The following EPHA1 variants were observed in gnomAD, a reference collection of about 807,000 sequenced individuals.
EPHA1 encodes EPH receptor A1.
EPHA1 carries 92 observed loss-of-function variants against 110.1 expected under a neutral mutation model. That is an observed-to-expected ratio of 0.84 (90% CI 0.71 to 0.99). The LOEUF (loss-of-function observed/expected upper bound fraction) is 0.99, where lower values mean the gene tolerates loss of function less well. EPHA1 is among the 50% of genes least tolerant of loss of function. EPHA1 has a pLI of 0.00. For synonymous variants in EPHA1, 500 were observed against 516.1 expected (o/e 0.97, Z 0.42); for missense variants, 1,204 against 1,285.4 (o/e 0.94, Z 0.97).
In EPHA1 at chr7:143,393,379, A is replaced by G. The variant is rs1805143151; in HGVS notation, c.2696+292T>C. On this transcript the variant is annotated intron_variant, in intron 16 of 17. Transcript: ENST00000275815. The surrounding 1 kb of genome is among the most constrained non-coding windows in gnomAD (Gnocchi z 5.6). ...GTACAACACAGTGGGATTGGCAAGGATGGCTCCGGGAGTGTCTTAGGTGAG... is the reference window on the plus strand; with the variant it reads ...GTACAACACAGTGGGATTGGCAAGGGTGGCTCCGGGAGTGTCTTAGGTGAG... Among the ~76,000 whole-genome samples the G allele has an allele frequency of 6.6e-6, 1 of 152,152 alleles. No individual in the cohort carries two copies. The highest frequency in any genetic ancestry group is 1.5e-5 in the Non-Finnish European group (1 of 68,028).
Position 143,398,798 on chromosome 7 carries a change from C to T in EPHA1, c.1139G>A (p.Gly380Glu), listed in dbSNP as rs773238741. Reference sequence around the variant, plus strand: ...CACCCCACAGGGCTGGCAGGGCCCCCCGTCCTGTGCTGTGCCCTGACACTG... The same window carrying T: ...CACCCCACAGGGCTGGCAGGGCCCCTCGTCCTGTGCTGTGCCCTGACACTG... Reference protein sequence around the residue: ...CSQCQGTAQDGGPCQPCGVGV... With the variant: ...CSQCQGTAQDEGPCQPCGVGV... Residue 380 changes from glycine to glutamate, a missense_variant, in exon 6 of 18, where the codon GGG becomes GAG. By Grantham distance (98) the Gly-to-Glu change is moderately conservative. Coordinates refer to ENST00000275815, the MANE Select transcript of EPHA1 (RefSeq NM_005232.5). 1.2e-5 allele frequency: 20 copies of T among 1,613,496 alleles called. No individual in the cohort carries two copies. The Admixed American group carries it at 3.2e-4, about 26-fold the overall frequency.
intron 2 of EPHA1, among the ~76,000 whole-genome samples, chr7:143,406,607 GT>G (rs1347729458): frequency 6.6e-6 from 1 of 152,252 alleles, no homozygotes; most frequent in Non-Finnish European, 1.5e-5. Context: ...ACTTGTGATT[GT>G]TGTCTAGAGG....
At chr7:143,392,187 CTGCT>C (rs1805106483) in intron 16 of EPHA1, among the ~76,000 whole-genome samples, 2 of 152,232 alleles carry the variant, frequency 1.3e-5, no homozygotes, top group Non-Finnish European at 2.9e-5. Flanking sequence ...TCCATAGTGG[CTGCT>C]TGAGTTCCGG....
At chr7:143,404,652 C>T (rs1457417916) in intron 2 of EPHA1, among the ~76,000 whole-genome samples, 3 of 151,636 alleles carry the variant, frequency 2.0e-5, no homozygotes, top group East Asian at 1.9e-4. Context: ...TGTGTAGGCT[C>T]GTTTTTGGAC....
At chr7:143,399,140 T>C in intron 5 of EPHA1, 118 bp downstream of exon 5, 1 of 1,392,660 alleles carries the variant, frequency 7.2e-7, no homozygotes. Context: ...TAAAAGTGCC[T>C]GACACCCTGG....
rs980770791 is a variant in EPHA1, at chr7:143,391,616, T to C, written c.2852+4A>G. On this transcript the variant is annotated splice_donor_region_variant and intron_variant, in intron 17 of 17. Transcript: ENST00000275815. ...CCCCTGCCCAGACAGCTCCAGCTCC[T>C]TACTCAGCGGTCAGCTCCAGCACAC... is the stretch of plus-strand genomic sequence containing the variant. The C allele has an allele frequency of 1.2e-6, 2 of 1,614,034 alleles. No individual in the cohort carries two copies. The highest frequency in any genetic ancestry group is 2.7e-5 in the African/African-American group (2 of 74,928).
intron 9 of EPHA1, 64 bp downstream of exon 9, chr7:143,397,497 T>C: frequency 1.3e-6 from 2 of 1,583,782 alleles, no homozygotes. Context: ...GGAGGGTCGT[T>C]GGGGCTGCAG....
chr7:143,393,698 AGG>A lies in EPHA1; in HGVS notation c.2667_2668del (p.Leu890AlafsTer7), dbSNP rs754822485. The stretch of plus-strand genomic sequence containing the variant: ...GGGGTCAAAGTTGGCAATGGTCCGC[AGG>A]GAGTGGGGGTTGGCAAGCAGTTGCT... On this transcript the variant is annotated frameshift_variant, in exon 16 of 18. Transcript: ENST00000275815. LOFTEE classifies it high-confidence loss of function. This position sits in a 1 kb window ranked among gnomAD's most constrained non-coding sequence, Gnocchi z 5.6. 9 of 1,613,662 alleles carry A rather than the reference AGG, an allele frequency of 5.6e-6. No homozygotes were observed. In the African/African-American group the frequency reaches 1.2e-4, roughly 22 times the overall value.
At position 143,391,279 on chromosome 7, in the gene EPHA1, C is replaced by G. The variant is rs1382191976; in HGVS notation, c.*178G>C. 9 of 710,002 alleles carry G rather than the reference C, an allele frequency of 1.3e-5. No homozygotes were observed. The highest frequency in any genetic ancestry group is 2.1e-5 in the Non-Finnish European group (9 of 429,024). 44.0% of individuals were successfully genotyped at this position (710,002 alleles called of 1,614,324 possible). On this transcript the variant is annotated 3_prime_UTR_variant, in exon 18 of 18. Transcript: ENST00000275815. ...TCCTTTTACTTCTACCCCCACCTCC[C>G]TTTTAAAACAAAGAGGTTTTCTGGG...
Position 143,391,212 on chromosome 7 carries a change from T to G in EPHA1, c.*245A>C. On this transcript the variant is annotated 3_prime_UTR_variant, in exon 18 of 18. Coordinates refer to ENST00000275815, the MANE Select transcript of EPHA1 (RefSeq NM_005232.5). ...ATTTACAAAAATATATATATGTGTA[T>G]GTATGTATATATATTAACCCCTCAG... 1.9e-6 allele frequency: 1 copy of G among 540,262 alleles called. No homozygotes were observed. The highest frequency in any genetic ancestry group is 3.3e-6 in the Non-Finnish European group (1 of 301,714). The allele number at this position is 540,262 out of a possible 1,614,324, so 33.5% of individuals were successfully genotyped here. A position where few individuals can be genotyped will look rare whatever the true frequency, so the allele number is the denominator to read the frequency against.
rs1004478873 is a variant in EPHA1, at chr7:143,407,574, G to A, written c.150+37C>T. On this transcript the variant is annotated intron_variant, in intron 2 of 17. Transcript: ENST00000275815. ...CCACCCCATTTCCCACTGGCCTTCA[G>A]GAGTTTTCCAAGATCCTTCCCTCTT... 5 of 1,605,988 alleles carry A rather than the reference G, an allele frequency of 3.1e-6. No homozygotes were observed. The African/African-American group carries it at 6.7e-5, about 22-fold the overall frequency.
rs189096667 is a variant in EPHA1, at chr7:143,396,956, C to T, written c.1771+348G>A. On this transcript the variant is annotated intron_variant, in intron 10 of 17. Coordinates refer to ENST00000275815, the MANE Select transcript of EPHA1 (RefSeq NM_005232.5). ...CAAGAAGCTCATAAGCCTCGGAGGA[C>T]GTCAATCCTCCTCCCGCCTGGCCTC... is the stretch of plus-strand genomic sequence containing the variant. Among the ~76,000 whole-genome samples the T allele has an allele frequency of 5.0e-3, 766 of 152,260 alleles. 7 individuals carry two copies. Among genetic ancestry groups the T allele is most frequent in the African/African-American group, 0.018 (734 of 41,558 alleles).
At chr7:143,407,469 T>C (rs889799660) in intron 2 of EPHA1, 142 bp downstream of exon 2, 1 of 695,394 alleles carries the variant, frequency 1.4e-6, no homozygotes, top group South Asian at 1.8e-5. Context: ...GAGGAGGCTC[T>C]GACTCAGCCT....
chr7:143,408,479 CCCA>C lies in EPHA1; in HGVS notation c.82+242_82+244del, dbSNP rs1489717203. 3.9e-5 allele frequency among the ~76,000 whole-genome samples: 6 copies of C among 152,114 alleles called. No individual in the cohort carries two copies. The East Asian group carries it at 1.2e-3, about 30-fold the overall frequency. On this transcript the variant is annotated intron_variant, in intron 1 of 17. Coordinates refer to ENST00000275815, the MANE Select transcript of EPHA1 (RefSeq NM_005232.5). ...AAGGGTCCGGAATTCCCTCCCCACT[CCCA>C]GGAGCAGATTGCTGGCCTGCGGGAG...
At position 143,394,293 on chromosome 7, in the gene EPHA1, C is replaced by A; in HGVS notation, c.2403G>T (p.Arg801=). Residue 801 remains arginine (R), a synonymous_variant, in exon 15 of 18, where the codon CGG becomes CGT. Coordinates refer to ENST00000275815, the MANE Select transcript of EPHA1 (RefSeq NM_005232.5). ...ACACATCGCTGGCTGTGGTGAAGAT[C>A]CGATGGGCAATGGCTTCAGGGGCTG... The part of the protein sequence containing the change: ...RWTAPEAIAH[R]IFTTASDVWS... 1.2e-6 allele frequency: 2 copies of A among 1,614,138 alleles called. No individual in the cohort carries two copies. The highest frequency in any genetic ancestry group is 2.7e-5 in the African/African-American group (2 of 75,038).
chr7:143,398,479 G>T (rs1805322953), intron 6 of EPHA1, 31 bp from the exon 7 acceptor site: 1 of 1,613,300 alleles, frequency 6.2e-7, no homozygotes, highest in Admixed American at 1.7e-5. Context: ...GGTTGGATAT[G>T]TAAGGAAAAA....
chr7:143,408,088 G>T (rs1297734051), intron 1 of EPHA1, among the ~76,000 whole-genome samples: 1 of 152,186 alleles, frequency 6.6e-6, no homozygotes, highest in African/African-American at 2.4e-5. Flanking sequence ...ACCTCAGAAG[G>T]GGTTTCCTGG....
intron 2 of EPHA1, 126 bp downstream of exon 2, chr7:143,407,485 C>A: frequency 1.1e-6 from 1 of 875,868 alleles, no homozygotes; most frequent in Non-Finnish European, 1.8e-6. Context: ...AGCCTCCTCT[C>A]CCCCTCCCTG....
Position 143,401,420 on chromosome 7 carries a change from TC to T in EPHA1, c.335del (p.Gly112GlufsTer34). The T allele has an allele frequency of 6.2e-7, 1 of 1,613,938 alleles. No individual in the cohort carries two copies. On this transcript the variant is annotated frameshift_variant, in exon 3 of 18. Transcript: ENST00000275815. LOFTEE classifies it high-confidence loss of function. The surrounding 1 kb of genome is among the most constrained non-coding windows in gnomAD (Gnocchi z 4.1). Reference sequence around the variant, plus strand: ...TCTCCTTGCAGCCCAGAGGCCCGGCTCCCCCAGGGAAACTCTTGCAGTCCCG... The same window carrying T: ...TCTCCTTGCAGCCCAGAGGCCCGGCTCCCCAGGGAAACTCTTGCAGTCCCG... ...TVRDCKSFPG[G>X]AGPLGCKETF...
Sources: gnomAD v4.1 joint callset for allele counts (sites outside exome capture counted in the v4.1 genomes callset) on GRCh38, gnomAD v4.1.1 for gene constraint, Gnocchi (gnomAD v3.1) non-coding constraint, MANE v1.5 for transcripts, NCBI Gene and HGNC (gene_info 2026-07-23, HGNC 2026-07-21) for gene names.